CAMTA1: variants seen among roughly 807,000 people sequenced by gnomAD.
The protein encoded by CAMTA1 is calmodulin-binding transcription activator 1.
In CAMTA1, 27 loss-of-function variants were observed where a neutral mutation model predicts 170.9. That is an observed-to-expected ratio of 0.16 (90% CI 0.12 to 0.22). The LOEUF is 0.22. Ranked by LOEUF, CAMTA1 falls within the 10% of genes least tolerant of loss-of-function variation. The pLI is 1.00. For missense variants in CAMTA1, 1,619 were observed against 2,217.2 expected (o/e 0.73, Z 5.42); for synonymous variants, 833 against 891.5 (o/e 0.93, Z 1.17).
At chr1:7,725,171 A>G (rs1462212776) in intron 11 of CAMTA1, among the ~76,000 whole-genome samples, 1 of 152,222 alleles carries the variant, frequency 6.6e-6, no homozygotes, top group African/African-American at 2.4e-5. Context: ...ATGCGCGTGC[A>G]TGTCTGGAAG....
At chr1:7,444,622 G>A (rs1412512230) in intron 5 of CAMTA1, among the ~76,000 whole-genome samples, 4 of 152,196 alleles carry the variant, frequency 2.6e-5, no homozygotes, top group Non-Finnish European at 5.9e-5. Context: ...GATGATGTTG[G>A]GCAAGCAGAG....
At chr1:6,824,751 G>T (rs113232709) in intron 2 of CAMTA1, among the ~76,000 whole-genome samples, 1,874 of 152,168 alleles carry the variant, frequency 0.012, 32 homozygotes, top group African/African-American at 0.043. Context: ...TTTGGGCTTT[G>T]TGAGGTTAAT....
At chr1:7,653,285 A>G (rs1164537784) in intron 7 of CAMTA1, among the ~76,000 whole-genome samples, 1 of 152,094 alleles carries the variant, frequency 6.6e-6, no homozygotes, top group Non-Finnish European at 1.5e-5. Context: ...TTTTTGAGAC[A>G]GGGCCTCACT....
At chr1:7,183,073 G>GT (rs1426407249) in intron 4 of CAMTA1, among the ~76,000 whole-genome samples, 2 of 152,164 alleles carry the variant, frequency 1.3e-5, no homozygotes, top group African/African-American at 4.8e-5. Flanking sequence ...AAAGAGGTTT[G>GT]TTTTGGCTCA....
At position 7,664,922 on chromosome 1, in the gene CAMTA1, G is replaced by A. The variant is rs1242224907; in HGVS notation, c.2375G>A (p.Gly792Glu). ...SVEGGSSTIY[G>E]HQLVSGDSTA... ...GAGGGGGGCAGCAGCACCATCTATG[G>A]GCACCAGCTGGTGTCGGGGGACAGC... Residue 792 changes from glycine to glutamate, a missense_variant, in exon 9 of 23, where the codon GGG becomes GAG. Physicochemically the swap from Gly to Glu is moderately conservative, Grantham distance 98 (BLOSUM62 -2). Transcript: ENST00000303635. 1 of 1,613,086 alleles carries A rather than the reference G, an allele frequency of 6.2e-7. No individual in the cohort carries two copies.
intron 3 of CAMTA1, among the ~76,000 whole-genome samples, chr1:6,832,131 T>C (rs1650533040): frequency 6.6e-6 from 1 of 151,956 alleles, no homozygotes; most frequent in Non-Finnish European, 1.5e-5. Context: ...TCACCCAGAC[T>C]GGAGTGCAGT....
intron 3 of CAMTA1, among the ~76,000 whole-genome samples, chr1:7,024,472 G>C (rs1191196934): frequency 6.6e-6 from 1 of 152,238 alleles, no homozygotes; most frequent in African/African-American, 2.4e-5. Context: ...ATTTTAGTAT[G>C]TCTTCCTAAA....
chr1:6,937,901 A>G (rs1685736613), intron 3 of CAMTA1, among the ~76,000 whole-genome samples: 1 of 152,176 alleles, frequency 6.6e-6, no homozygotes, highest in South Asian at 2.1e-4. Flanking sequence ...ATCATCACCA[A>G]CACTACCACC....
At chr1:6,801,034 G>C (rs1017770603) in intron 1 of CAMTA1, among the ~76,000 whole-genome samples, 3 of 152,174 alleles carry the variant, frequency 2.0e-5, no homozygotes, top group Admixed American at 6.5e-5. Flanking sequence ...GTGCTAAAAA[G>C]AAAGCTATAA....
chr1:7,017,680 T>C (rs1366419142), intron 3 of CAMTA1, among the ~76,000 whole-genome samples: 1 of 152,248 alleles, frequency 6.6e-6, no homozygotes, highest in Non-Finnish European at 1.5e-5. Flanking sequence ...CTGCTTCCTT[T>C]CCTGGGATCG....
At position 7,300,676 on chromosome 1, in the gene CAMTA1, C is replaced by T. The variant is rs1373589341; in HGVS notation, c.438+51050C>T. ...TGGACAACAAAGAGCAAAACTCTGT[C>T]TCAAAAAAAAAAAAATTGTATAGAT... On this transcript the variant is annotated intron_variant, in intron 5 of 22. Coordinates refer to ENST00000303635, the MANE Select transcript of CAMTA1 (RefSeq NM_015215.4). The surrounding 1 kb of genome is among the most constrained non-coding windows in gnomAD (Gnocchi z 4.1). Among the ~76,000 whole-genome samples, 2 of 149,374 alleles carry T rather than the reference C, an allele frequency of 1.3e-5. No homozygotes were observed. The highest frequency in any genetic ancestry group is 5.0e-5 in the African/African-American group (2 of 40,010).
chr1:7,608,789 G>C (rs762118551), intron 6 of CAMTA1, among the ~76,000 whole-genome samples: 1 of 152,046 alleles, frequency 6.6e-6, no homozygotes, highest in Non-Finnish European at 1.5e-5. Context: ...CTTGAAAGTG[G>C]CTTCGACAGA....
At chr1:7,397,794 T>G (rs2089450535) in intron 5 of CAMTA1, among the ~76,000 whole-genome samples, 2 of 152,154 alleles carry the variant, frequency 1.3e-5, no homozygotes, top group Admixed American at 6.5e-5. Flanking sequence ...CTTCCAAAGT[T>G]TCTCCTGTTA....
intron 6 of CAMTA1, among the ~76,000 whole-genome samples, chr1:7,568,783 TCAC>T (rs1371272270): frequency 6.8e-6 from 1 of 146,808 alleles, no homozygotes; most frequent in Non-Finnish European, 1.5e-5. Context: ...CACATCACCA[TCAC>T]CACCACCATC....
intron 3 of CAMTA1, among the ~76,000 whole-genome samples, chr1:7,015,605 T>C (rs758581260): frequency 8.5e-5 from 13 of 152,264 alleles, no homozygotes; most frequent in Admixed American, 2.6e-4. Flanking sequence ...ATGTTAGCAC[T>C]GCCACAAGTA....
intron 5 of CAMTA1, among the ~76,000 whole-genome samples, chr1:7,370,824 C>A (rs1355779789): frequency 2.0e-5 from 3 of 152,082 alleles, no homozygotes; most frequent in Non-Finnish European, 4.4e-5. Flanking sequence ...ATGTCTATAT[C>A]CCCCTTGTCC....
At chr1:7,233,737 G>T (rs74051679) in intron 4 of CAMTA1, among the ~76,000 whole-genome samples, 1 of 152,016 alleles carries the variant, frequency 6.6e-6, no homozygotes, top group South Asian at 2.1e-4. Context: ...CGGAATTCTC[G>T]GAGGATCCAC....
rs143791633 is a variant in CAMTA1, at chr1:7,241,582, T to C, written c.303-7909T>C. Among the ~76,000 whole-genome samples the C allele has an allele frequency of 1.5e-3, 233 of 152,348 alleles. 2 individuals are homozygous for C. Among genetic ancestry groups the C allele is most frequent in the Middle Eastern group, 0.01 (3 of 294 alleles). ...AAGCTGCTACAATCAAGATAGATAG[T>C]ATTGGCATAAAAATAGACAATGGAA... On this transcript the variant is annotated intron_variant, in intron 4 of 22. Coordinates refer to ENST00000303635, the MANE Select transcript of CAMTA1 (RefSeq NM_015215.4).
At chr1:7,386,131 G>A (rs845234) in intron 5 of CAMTA1, among the ~76,000 whole-genome samples, 88,301 of 152,148 alleles carry the variant, frequency 0.58, 28,581 homozygotes, top group Non-Finnish European at 0.73. Context: ...GCCCCAGCCC[G>A]CTGGAAGGCC....
Sources: gnomAD v4.1 joint callset for allele counts (sites outside exome capture counted in the v4.1 genomes callset) on GRCh38, gnomAD v4.1.1 for gene constraint, Gnocchi (gnomAD v3.1) non-coding constraint, MANE v1.5 for transcripts, NCBI Gene and HGNC (gene_info 2026-07-23, HGNC 2026-07-21) for gene names.